Variants in CTNND2 observed in about 807,000 individuals in gnomAD.
CTNND2 encodes catenin delta 2.
In CTNND2, 22 loss-of-function variants were observed where a neutral mutation model predicts 144.4. That is an observed-to-expected ratio of 0.15 (90% confidence interval 0.11 to 0.22). CTNND2 has a LOEUF of 0.22. Ranked by LOEUF, CTNND2 falls within the 10% of genes least tolerant of loss-of-function variation. CTNND2 has a pLI of 1.00. For missense variants in CTNND2, 1,353 were observed against 1,618.8 expected, an observed-to-expected ratio of 0.84 and a Z score of 2.82; for synonymous variants, 751 against 695.6, an observed-to-expected ratio of 1.08 and a Z score of -1.25.
chr5:11,731,086 C>T (rs938792133), intron 2 of CTNND2, among the ~76,000 whole-genome samples: 30 of 152,200 alleles, frequency 2.0e-4, no homozygotes, highest in Admixed American at 1.7e-3. Flanking sequence ...TTCCTGCTTA[C>T]TGACTATTTT....
At chr5:11,278,353 A>T (rs187377226) in intron 9 of CTNND2, among the ~76,000 whole-genome samples, 4 of 152,248 alleles carry the variant, frequency 2.6e-5, no homozygotes, top group East Asian at 1.9e-4. Flanking sequence ...TTATTCAACA[A>T]ATATTCATGG....
At chr5:11,884,992 A>G (rs1188716694) in intron 1 of CTNND2, among the ~76,000 whole-genome samples, 1 of 152,148 alleles carries the variant, frequency 6.6e-6, no homozygotes, top group Non-Finnish European at 1.5e-5. Flanking sequence ...CCATCTTTGC[A>G]TTTTGGGATA....
chr5:11,069,910 T>C (rs772202031), intron 16 of CTNND2, among the ~76,000 whole-genome samples: 2 of 152,218 alleles, frequency 1.3e-5, no homozygotes, highest in African/African-American at 2.4e-5. Flanking sequence ...GGGCTGAATT[T>C]AACTAAAGCC....
At chr5:11,471,961 T>G (rs1236623811) in intron 3 of CTNND2, among the ~76,000 whole-genome samples, 2 of 152,232 alleles carry the variant, frequency 1.3e-5, no homozygotes, top group African/African-American at 4.8e-5. Flanking sequence ...GCAAAACTTC[T>G]TGTCTTCCCT....
intron 2 of CTNND2, among the ~76,000 whole-genome samples, chr5:11,679,713 T>C (rs906719263): frequency 6.6e-6 from 1 of 152,204 alleles, no homozygotes; most frequent in Non-Finnish European, 1.5e-5. Flanking sequence ...TAATTAAACA[T>C]GCCAACCAAC....
At chr5:11,220,849 G>A (rs963354616) in intron 10 of CTNND2, among the ~76,000 whole-genome samples, 1 of 152,094 alleles carries the variant, frequency 6.6e-6, no homozygotes, top group Non-Finnish European at 1.5e-5. Flanking sequence ...CATTTCAATT[G>A]CAAGATTCTT....
intron 18 of CTNND2, among the ~76,000 whole-genome samples, chr5:11,015,879 G>A (rs1741552087): frequency 6.6e-6 from 1 of 152,132 alleles, no homozygotes; most frequent in Non-Finnish European, 1.5e-5. Flanking sequence ...TTTGCCTCCT[G>A]GAGGAATTCA....
intron 1 of CTNND2, among the ~76,000 whole-genome samples, chr5:11,776,729 T>A (rs1337478421): frequency 6.6e-6 from 1 of 152,078 alleles, no homozygotes; most frequent in Non-Finnish European, 1.5e-5. Context: ...CAGGTATACA[T>A]CCCCAAGTTA....
chr5:11,378,336 C>T (rs1758137693), intron 7 of CTNND2, among the ~76,000 whole-genome samples: 1 of 152,158 alleles, frequency 6.6e-6, no homozygotes, highest in African/African-American at 2.4e-5. Flanking sequence ...GAGGCATGGC[C>T]AGCAGGGAAG....
chr5:10,973,443 GC>G lies in CTNND2; in HGVS notation c.*9del, dbSNP rs1561100766. The G allele has an allele frequency of 1.9e-6, 3 of 1,576,576 alleles. No homozygotes were observed. The highest frequency in any genetic ancestry group is 2.6e-6 in the Non-Finnish European group (3 of 1,159,702). ...CATGCACTGTTCCCGGAGCGCCTGT[GC>G]CCTGCTCCTCACACCCAGGAGTCGG... On this transcript the variant is annotated 3_prime_UTR_variant, in exon 22 of 22. Coordinates refer to ENST00000304623, the MANE Select transcript of CTNND2 (RefSeq NM_001332.4). This position sits in a 1 kb window ranked among gnomAD's most constrained non-coding sequence, Gnocchi z 5.6.
At chr5:11,557,671 A>T (rs1442115852) in intron 3 of CTNND2, among the ~76,000 whole-genome samples, 1 of 152,202 alleles carries the variant, frequency 6.6e-6, no homozygotes, top group Non-Finnish European at 1.5e-5. Flanking sequence ...CCTTTCTTAA[A>T]GTCAACCATG....
chr5:11,112,953 TAAC>T (rs1197101811), intron 13 of CTNND2, among the ~76,000 whole-genome samples: 3 of 152,070 alleles, frequency 2.0e-5, no homozygotes, highest in Non-Finnish European at 4.4e-5. Flanking sequence ...TCATCCTGGC[TAAC>T]AAGGTGAAAC....
rs1426353097 is a variant in CTNND2 at position 11,597,985 on chromosome 5, T to C, written c.175-32929A>G. Among the ~76,000 whole-genome samples, 4 of 152,222 alleles carry C rather than the reference T, an allele frequency of 2.6e-5. No homozygotes were observed. The East Asian group carries it at 7.7e-4, about 29-fold the overall frequency. ...TTTCCTATATCACTGAAATTACCCT[T>C]TTCCATATTCTCATGTGATAAAAAT... On this transcript the variant is annotated intron_variant, in intron 2 of 21. Transcript: ENST00000304623.
intron 3 of CTNND2, among the ~76,000 whole-genome samples, chr5:11,532,826 A>G (rs568362918): frequency 2.0e-5 from 3 of 152,366 alleles, no homozygotes; most frequent in African/African-American, 7.2e-5. Flanking sequence ...CAGATGTTAC[A>G]GCAAGTGACT....
At position 11,830,048 on chromosome 5, in the gene CTNND2, C is replaced by A. The variant is rs150126766; in HGVS notation, c.37+73769G>T. On this transcript the variant is annotated intron_variant, in intron 1 of 21. Coordinates refer to ENST00000304623, the MANE Select transcript of CTNND2 (RefSeq NM_001332.4). ...TTTTGGACTTGCATAGGGACTGTAA[C>A]CCCTTTGTTTTGACAAATTTCTCCC... Among the ~76,000 whole-genome samples, 79 of 152,280 alleles carry A rather than the reference C, an allele frequency of 5.2e-4. No individual in the cohort carries two copies. The East Asian group carries it at 0.013, about 26-fold the overall frequency.
intron 1 of CTNND2, among the ~76,000 whole-genome samples, chr5:11,799,386 A>G (rs1195417114): frequency 6.6e-6 from 1 of 151,960 alleles, no homozygotes; most frequent in Non-Finnish European, 1.5e-5. Context: ...TTCCTTGGCA[A>G]TTTCCAAGTC....
chr5:11,120,614 T>C (rs36148300), intron 12 of CTNND2, among the ~76,000 whole-genome samples: 1,295 of 50,752 alleles, frequency 0.026, 16 homozygotes, highest in African/African-American at 0.084. Context: ...TCATGCTGTC[T>C]GCAGGGGTGA....
At chr5:11,403,292 A>C (rs1414702971) in intron 5 of CTNND2, among the ~76,000 whole-genome samples, 2 of 152,130 alleles carry the variant, frequency 1.3e-5, no homozygotes, top group Non-Finnish European at 2.9e-5. Context: ...TATGAGTGAG[A>C]ACATGCAGTG....
chr5:11,100,871 C>G (rs1018034084), intron 14 of CTNND2, among the ~76,000 whole-genome samples: 7 of 152,152 alleles, frequency 4.6e-5, no homozygotes, highest in African/African-American at 9.6e-5. Context: ...GCCATGTTAT[C>G]TTTTGCTGGG....
Sources: allele counts gnomAD v4.1 joint callset (sites outside exome capture counted in the v4.1 genomes callset), GRCh38; gene constraint gnomAD v4.1.1; non-coding constraint Gnocchi (gnomAD v3.1); transcripts MANE v1.5; gene names NCBI Gene and HGNC (gene_info 2026-07-23, HGNC 2026-07-21).